The following TBCK variants were observed in gnomAD, a reference collection of about 807,000 sequenced individuals.
TBCK encodes the protein TBC1 domain containing kinase, also known as TBC domain-containing protein kinase-like protein.
In TBCK, 99 loss-of-function variants were observed where a neutral mutation model predicts 113.4. That is an observed-to-expected ratio of 0.87 (90% confidence interval 0.74 to 1.03). The LOEUF is 1.03. Among genes scored for constraint, TBCK ranks in the 50% least tolerant of loss-of-function variants. The pLI is 0.00. For synonymous variants in TBCK, 369 were observed against 370.8 expected (o/e 1.00, Z 0.05); for missense variants, 1,045 against 1,061.3 (o/e 0.98, Z 0.21).
intron 10 of TBCK, among the ~76,000 whole-genome samples, chr4:106,246,045 G>A (rs1210713486): frequency 6.6e-6 from 1 of 152,128 alleles, no homozygotes; most frequent in Non-Finnish European, 1.5e-5. Context: ...AGCACATGGG[G>A]AGGCAACCAA....
At chr4:106,112,436 G>T (rs1742972363) in intron 24 of TBCK, among the ~76,000 whole-genome samples, 1 of 152,092 alleles carries the variant, frequency 6.6e-6, no homozygotes, top group Non-Finnish European at 1.5e-5. Context: ...TTTACTGATG[G>T]CTCTGGTAAA....
intron 20 of TBCK, among the ~76,000 whole-genome samples, chr4:106,199,160 C>T (rs984338523): frequency 3.3e-5 from 5 of 152,126 alleles, no homozygotes; most frequent in African/African-American, 1.2e-4. Flanking sequence ...CTCCACCTCA[C>T]CACTGAAACT....
intron 22 of TBCK, among the ~76,000 whole-genome samples, chr4:106,192,217 C>T (rs762289522): frequency 4.6e-5 from 7 of 152,052 alleles, no homozygotes; most frequent in South Asian, 2.1e-4. Context: ...CAGTGTTTAA[C>T]AGGAGCATTT....
At chr4:106,201,939 T>A (rs1368671959) in intron 20 of TBCK, among the ~76,000 whole-genome samples, 2 of 152,036 alleles carry the variant, frequency 1.3e-5, no homozygotes, top group African/African-American at 4.8e-5. Flanking sequence ...TTAGGAAACA[T>A]ATATACAGAC....
intron 25 of TBCK, 109 bp downstream of exon 25, chr4:106,095,373 A>G: frequency 1.0e-6 from 1 of 985,296 alleles, no homozygotes. Flanking sequence ...TTCAAAGCTC[A>G]TAGTATTTGT....
intron 5 of TBCK, among the ~76,000 whole-genome samples, chr4:106,260,018 A>G (rs1447856699): frequency 1.3e-5 from 2 of 151,938 alleles, no homozygotes; most frequent in East Asian, 1.9e-4. Context: ...ATCTTAATAT[A>G]TATCTTAGAG....
chr4:106,261,874 G>A (rs950349536), intron 4 of TBCK, among the ~76,000 whole-genome samples: 1 of 151,758 alleles, frequency 6.6e-6, no homozygotes, highest in Non-Finnish European at 1.5e-5. Flanking sequence ...TGGGTCTTGT[G>A]GGAAAAATAA....
chr4:106,148,145 T>C (rs1489244368), intron 23 of TBCK, among the ~76,000 whole-genome samples: 1 of 152,234 alleles, frequency 6.6e-6, no homozygotes, highest in African/African-American at 2.4e-5. Flanking sequence ...TCAATGACAA[T>C]GGTGCCCGAA....
intron 25 of TBCK, among the ~76,000 whole-genome samples, chr4:106,092,577 C>A (rs960758233): frequency 1.3e-5 from 2 of 152,206 alleles, no homozygotes; most frequent in African/African-American, 4.8e-5. Context: ...GGTGAGAAAT[C>A]AAGTGCAGCG....
intron 24 of TBCK, among the ~76,000 whole-genome samples, chr4:106,102,016 T>C (rs943567101): frequency 4.6e-5 from 7 of 152,208 alleles, no homozygotes; most frequent in African/African-American, 9.6e-5. Flanking sequence ...AGAACAAATA[T>C]ATCTGACTTG....
chr4:106,158,021 T>G (rs1749327254), intron 23 of TBCK, among the ~76,000 whole-genome samples: 1 of 152,144 alleles, frequency 6.6e-6, no homozygotes, highest in Admixed American at 6.6e-5. Flanking sequence ...GAAATCTAAT[T>G]TCTGTGCTAC....
chr4:106,239,600 G>A (rs912361034), intron 12 of TBCK, among the ~76,000 whole-genome samples: 4 of 151,992 alleles, frequency 2.6e-5, no homozygotes, highest in Admixed American at 1.3e-4. Flanking sequence ...GAAAAGAAAT[G>A]GAAGCACCGG....
chr4:106,046,712 G>T, intron 25 of TBCK, 32 bp from the exon 26 acceptor site: 1 of 1,206,348 alleles, frequency 8.3e-7, no homozygotes, highest in Non-Finnish European at 1.2e-6. Context: ...ATTTTTAGAG[G>T]ATATACAGAA....
At chr4:106,246,318 G>C (rs1760809203) in intron 10 of TBCK, among the ~76,000 whole-genome samples, 1 of 152,092 alleles carries the variant, frequency 6.6e-6, no homozygotes, top group Admixed American at 6.6e-5. Context: ...TGAATGTTTA[G>C]TAACCATTTT....
intron 11 of TBCK, 83 bp downstream of exon 11, chr4:106,244,543 C>A: frequency 8.6e-7 from 1 of 1,162,520 alleles, no homozygotes. Context: ...AAAAAAAACA[C>A]CGATTTTCTT....
At chr4:106,164,138 G>A (rs1283657498) in intron 23 of TBCK, among the ~76,000 whole-genome samples, 1 of 151,950 alleles carries the variant, frequency 6.6e-6, no homozygotes, top group Non-Finnish European at 1.5e-5. Flanking sequence ...AGCTGCCAGG[G>A]TTTCTAGTCT....
chr4:106,278,332 T>C (rs995934130), intron 3 of TBCK, among the ~76,000 whole-genome samples: 1 of 151,718 alleles, frequency 6.6e-6, no homozygotes, highest in African/African-American at 2.4e-5. Flanking sequence ...CCGAGGCAGG[T>C]GGATTGCCTG....
intron 22 of TBCK, among the ~76,000 whole-genome samples, chr4:106,192,047 A>C (rs1445386919): frequency 2.6e-5 from 4 of 152,144 alleles, no homozygotes; most frequent in Non-Finnish European, 5.9e-5. Context: ...TGTAAAGTAA[A>C]CCCAAAGCAG....
At chr4:106,166,982 A>C (rs915758898) in intron 23 of TBCK, among the ~76,000 whole-genome samples, 1 of 150,762 alleles carries the variant, frequency 6.6e-6, no homozygotes, top group African/African-American at 2.4e-5. Flanking sequence ...GGGAACAAGT[A>C]AGTCTACCTA....
Sources: allele counts gnomAD v4.1 joint callset (sites outside exome capture counted in the v4.1 genomes callset), GRCh38; gene constraint gnomAD v4.1.1; transcripts MANE v1.5; gene names NCBI Gene and HGNC (gene_info 2026-07-23, HGNC 2026-07-21).